The following DNAH6 variants were observed in gnomAD, a reference collection of about 807,000 sequenced individuals.
The protein encoded by DNAH6 is dynein axonemal heavy chain 6, also known as axonemal beta dynein heavy chain 6.
A neutral mutation model predicts 491.4 loss-of-function variants in DNAH6; 340 were observed. That is an observed-to-expected ratio of 0.69 (90% CI 0.63 to 0.76). DNAH6 has a LOEUF of 0.76. DNAH6 is among the 30% of genes least tolerant of loss of function. The probability of loss-of-function intolerance (pLI) is 0.00; values close to 1 mark genes in which losing one functional copy is unlikely to be tolerated. For synonymous variants in DNAH6, 1,603 were observed against 1,686.1 expected (o/e 0.95, Z 1.21); for missense variants, 4,443 against 4,972.2 (o/e 0.89, Z 3.20).
intron 63 of DNAH6, among the ~76,000 whole-genome samples, chr2:84,758,749 T>C (rs756889161): frequency 3.3e-5 from 5 of 152,152 alleles, no homozygotes; most frequent in Non-Finnish European, 7.3e-5. Flanking sequence ...CACCCCTTCA[T>C]GATAAAAACC....
At chr2:84,495,754 C>T in the DNAH6 span, among the ~76,000 whole-genome samples, 1 of 152,152 alleles carries the variant, frequency 6.6e-6, no homozygotes, top group Non-Finnish European at 1.5e-5. Flanking sequence ...CAACAGAATA[C>T]GATATCACAA....
At chr2:84,795,484 CAAAA>C (rs869174957) in intron 68 of DNAH6, among the ~76,000 whole-genome samples, 2 of 140,318 alleles carry the variant, frequency 1.4e-5, no homozygotes, top group Non-Finnish European at 3.0e-5. Context: ...TAAAACAAAA[CAAAA>C]AGAAAGAGAA....
At chr2:84,545,620 G>A (rs1224281610) in intron 5 of DNAH6, among the ~76,000 whole-genome samples, 1 of 152,060 alleles carries the variant, frequency 6.6e-6, no homozygotes, top group African/African-American at 2.4e-5. Flanking sequence ...GGCCTTTATA[G>A]TATCTTCTCT....
chr2:84,562,332 T>G (rs1234252990), intron 11 of DNAH6, among the ~76,000 whole-genome samples: 1 of 152,102 alleles, frequency 6.6e-6, no homozygotes, highest in Non-Finnish European at 1.5e-5. Context: ...ATATCAGTAA[T>G]GTGATGAATA....
At chr2:84,661,169 G>T (rs1691467639) in intron 37 of DNAH6, among the ~76,000 whole-genome samples, 1 of 151,510 alleles carries the variant, frequency 6.6e-6, no homozygotes, top group African/African-American at 2.4e-5. Context: ...TGTTCCTTTT[G>T]CTAGAGTCAT....
At chr2:84,618,717 C>T (rs1687115047) in intron 23 of DNAH6, among the ~76,000 whole-genome samples, 1 of 152,050 alleles carries the variant, frequency 6.6e-6, no homozygotes, top group Admixed American at 6.6e-5. Flanking sequence ...AATCAAATTC[C>T]TTTTGAGTGA....
At chr2:84,620,653 T>C (rs1687305702) in intron 24 of DNAH6, among the ~76,000 whole-genome samples, 1 of 152,194 alleles carries the variant, frequency 6.6e-6, no homozygotes, top group Non-Finnish European at 1.5e-5. Flanking sequence ...TTTTATTTGT[T>C]CTGAATTGAT....
At chr2:84,554,130 C>T (rs1679790399) in intron 10 of DNAH6, among the ~76,000 whole-genome samples, 2 of 152,226 alleles carry the variant, frequency 1.3e-5, no homozygotes, top group South Asian at 4.1e-4. Context: ...TGGCCATTCA[C>T]TTCTTCAAGG....
At chr2:84,796,652 A>C (rs1465792652) in intron 69 of DNAH6, among the ~76,000 whole-genome samples, 1 of 152,162 alleles carries the variant, frequency 6.6e-6, no homozygotes, top group Non-Finnish European at 1.5e-5. Context: ...AGCTTATTGC[A>C]CTGTGTCTAA....
At chr2:84,478,385 T>C in the DNAH6 span, among the ~76,000 whole-genome samples, 43 of 152,148 alleles carry the variant, frequency 2.8e-4, no homozygotes, top group African/African-American at 9.6e-4. Flanking sequence ...TGTTGGGAGG[T>C]TGCCTTTCCC....
At chr2:84,567,446 A>G (rs1304344268) in intron 11 of DNAH6, among the ~76,000 whole-genome samples, 1 of 152,178 alleles carries the variant, frequency 6.6e-6, no homozygotes, top group African/African-American at 2.4e-5. Flanking sequence ...GTGCTGGTAC[A>G]AAAACAGACA....
At chr2:84,517,614 T>C (rs561623554) in intron 1 of DNAH6, among the ~76,000 whole-genome samples, 132 of 152,338 alleles carry the variant, frequency 8.7e-4, no homozygotes, top group African/African-American at 3.1e-3. Context: ...ACAGGGGTTC[T>C]TGAAGCCTAG....
chr2:84,684,469 T>G (rs931891860), intron 42 of DNAH6, among the ~76,000 whole-genome samples: 4 of 152,266 alleles, frequency 2.6e-5, no homozygotes, highest in Non-Finnish European at 5.9e-5. Flanking sequence ...AGAAATTTCC[T>G]TATTTCTACA....
intron 4 of DNAH6, among the ~76,000 whole-genome samples, chr2:84,537,666 A>G (rs769866301): frequency 9.9e-5 from 15 of 152,002 alleles, no homozygotes; most frequent in South Asian, 2.1e-4. Context: ...TGGTGAGGCA[A>G]TTTTTAAGTA....
intron 63 of DNAH6, among the ~76,000 whole-genome samples, chr2:84,759,168 G>T (rs936055599): frequency 2.2e-4 from 33 of 150,492 alleles, no homozygotes; most frequent in South Asian, 6.3e-4. Context: ...ATCTAGCTGA[G>T]AATGAAATTA....
chr2:84,576,930 A>G (rs983795644), intron 12 of DNAH6, among the ~76,000 whole-genome samples: 6 of 152,166 alleles, frequency 3.9e-5, no homozygotes, highest in African/African-American at 1.2e-4. Flanking sequence ...ATTAATCCCA[A>G]CTTGAAACCA....
chr2:84,557,650 C>A (rs1680183599), intron 10 of DNAH6, 85 bp from the exon 11 acceptor site: 1 of 118,338 alleles, frequency 8.5e-6, no homozygotes, highest in African/African-American at 1.4e-4. Context: ...GAGCGAGACT[C>A]CGTCTCAAAA....
chr2:84,786,117 TG>T, intron 67 of DNAH6, among the ~76,000 whole-genome samples: 1 of 150,006 alleles, frequency 6.7e-6, no homozygotes, highest in African/African-American at 2.5e-5. Flanking sequence ...AATGAATGAA[TG>T]AATGAATGAA....
intron 75 of DNAH6, 82 bp downstream of exon 75, chr2:84,814,204 T>C (rs1355583900): frequency 4.3e-6 from 6 of 1,392,002 alleles, no homozygotes; most frequent in Non-Finnish European, 5.8e-6. Context: ...CATGCCCCAC[T>C]CCCCCACCAC....
Sources: gnomAD v4.1 joint callset for allele counts (sites outside exome capture counted in the v4.1 genomes callset) on GRCh38, gnomAD v4.1.1 for gene constraint, MANE v1.5 for transcripts, NCBI Gene and HGNC (gene_info 2026-07-23, HGNC 2026-07-21) for gene names.